The following SPTBN1 variants were observed in gnomAD, a reference collection of about 807,000 sequenced individuals.
SPTBN1 encodes the protein spectrin beta, non-erythrocytic 1.
A neutral mutation model predicts 266.4 loss-of-function variants in SPTBN1; 32 were observed. The observed-to-expected ratio is 0.12, with a 90% CI of 0.09 to 0.16. The LOEUF (loss-of-function observed/expected upper bound fraction) is 0.16, where lower values mean the gene tolerates loss of function less well. SPTBN1 is among the 10% of genes least tolerant of loss of function. SPTBN1 has a pLI of 1.00. For synonymous variants in SPTBN1, 1,336 were observed against 1,162.2 expected (o/e 1.15, Z -3.04); for missense variants, 2,296 against 3,067.1 (o/e 0.75, Z 5.94).
chr2:54,489,560 C>G (rs1455369796), intron 1 of SPTBN1, among the ~76,000 whole-genome samples: 1 of 151,994 alleles, frequency 6.6e-6, no homozygotes. Flanking sequence ...ATTAGCCAGG[C>G]GTGGTGGTGT....
At chr2:54,503,624 A>G (rs944095043) in intron 1 of SPTBN1, among the ~76,000 whole-genome samples, 1 of 152,220 alleles carries the variant, frequency 6.6e-6, no homozygotes, top group Admixed American at 6.5e-5. Flanking sequence ...CTGGTTTCAC[A>G]AACAGGCCTT....
At chr2:54,567,622 T>A (rs1451103459) in intron 2 of SPTBN1, among the ~76,000 whole-genome samples, 1 of 152,220 alleles carries the variant, frequency 6.6e-6, no homozygotes, top group Non-Finnish European at 1.5e-5. Context: ...TACATTCATG[T>A]ATTGCATTGT....
intron 1 of SPTBN1, among the ~76,000 whole-genome samples, chr2:54,470,142 A>G (rs1447996503): frequency 1.3e-5 from 2 of 152,220 alleles, no homozygotes; most frequent in Non-Finnish European, 1.5e-5. Flanking sequence ...AGTTCTAGAA[A>G]TCTTGCTTAA....
chr2:54,516,863 A>C (rs1670135005), intron 1 of SPTBN1, among the ~76,000 whole-genome samples: 1 of 152,252 alleles, frequency 6.6e-6, no homozygotes, highest in Admixed American at 6.5e-5. Context: ...TACATCAATC[A>C]GTACATGTAA....
intron 1 of SPTBN1, among the ~76,000 whole-genome samples, chr2:54,500,206 GAC>G (rs1311482020): frequency 1.3e-5 from 2 of 152,158 alleles, no homozygotes; most frequent in Non-Finnish European, 2.9e-5. Context: ...TTATGTTTGA[GAC>G]ATTTTATTGT....
chr2:54,622,208 C>A, intron 8 of SPTBN1, 92 bp from the exon 9 acceptor site: 4 of 1,359,242 alleles, frequency 2.9e-6, no homozygotes, highest in Non-Finnish European at 3.1e-6. Flanking sequence ...CAAAGCCGGT[C>A]GTTTTGTGTG....
At chr2:54,662,226 C>T in intron 32 of SPTBN1, 1 of 985,386 alleles carries the variant, frequency 1.0e-6, no homozygotes, top group Non-Finnish European at 1.2e-6. Flanking sequence ...ACTGTGATTG[C>T]TTTTGATGTG....
At chr2:54,612,584 G>T (rs1270187346) in intron 4 of SPTBN1, among the ~76,000 whole-genome samples, 10 of 152,154 alleles carry the variant, frequency 6.6e-5, no homozygotes, top group Admixed American at 5.9e-4. Flanking sequence ...CATCTCAGCG[G>T]CCCAGGGGCT....
intron 2 of SPTBN1, chr2:54,545,600 A>G (rs943422861): frequency 7.2e-5 from 11 of 152,294 alleles, no homozygotes; most frequent in African/African-American, 2.6e-4. Flanking sequence ...TTAGGTAACA[A>G]AGCTTTTTGA....
chr2:54,657,806 G>A (rs1451481335), intron 29 of SPTBN1, 44 bp from the exon 30 acceptor site: 1 of 1,612,118 alleles, frequency 6.2e-7, no homozygotes, highest in East Asian at 2.2e-5. Context: ...TGACTGCCCG[G>A]CACCTCCTGG....
chr2:54,460,738 GC>G (rs1693324863), intron 1 of SPTBN1, among the ~76,000 whole-genome samples: 1 of 152,154 alleles, frequency 6.6e-6, no homozygotes, highest in Non-Finnish European at 1.5e-5. Flanking sequence ...AGTGGCTCAC[GC>G]CTGTAATCCC....
intron 1 of SPTBN1, among the ~76,000 whole-genome samples, chr2:54,495,580 C>G (rs1007639369): frequency 8.6e-5 from 13 of 151,866 alleles, no homozygotes; most frequent in African/African-American, 3.1e-4. Context: ...GCCTTTAATC[C>G]CACCACCCAG....
chr2:54,500,740 G>A (rs2104111512), intron 1 of SPTBN1, among the ~76,000 whole-genome samples: 1 of 152,250 alleles, frequency 6.6e-6, no homozygotes, highest in Non-Finnish European at 1.5e-5. Flanking sequence ...ATTTTGCCAT[G>A]TTGCCCAAGG....
chr2:54,537,402 G>A (rs1424614662), intron 2 of SPTBN1, among the ~76,000 whole-genome samples: 2 of 152,234 alleles, frequency 1.3e-5, no homozygotes, highest in Non-Finnish European at 2.9e-5. Flanking sequence ...CGGATACTTA[G>A]AGTGGATACC....
intron 32 of SPTBN1, chr2:54,661,208 T>A (rs185167930): frequency 2.0e-6 from 2 of 985,724 alleles, no homozygotes; most frequent in East Asian, 2.3e-4. Flanking sequence ...CCAGCAGGAA[T>A]TGAAAATGTT....
rs758819812 is a variant in SPTBN1, at chr2:54,653,794, C to T, written c.5763C>T (p.Arg1921=). The T allele has an allele frequency of 5.0e-6, 8 of 1,614,080 alleles. No individual in the cohort carries two copies. The highest frequency in any genetic ancestry group is 1.7e-5 in the Admixed American group (1 of 60,002). ...GDKFRFFSMV[R]DLMLWMEDVI... ...AGTTCCGCTTCTTCAGCATGGTGCG[C>T]GACCTCATGCTCTGGATGGAGGATG... Residue 1921 remains arginine, a synonymous_variant, in exon 27 of 36, where the codon CGC becomes CGT. Coordinates refer to ENST00000356805, the MANE Select transcript of SPTBN1 (RefSeq NM_003128.3). The surrounding 1 kb of genome is among the most constrained non-coding windows in gnomAD (Gnocchi z 5.1).
chr2:54,472,006 CTG>C (rs1480859752), intron 1 of SPTBN1, among the ~76,000 whole-genome samples: 1 of 142,790 alleles, frequency 7.0e-6, no homozygotes, highest in Non-Finnish European at 1.5e-5. Flanking sequence ...TGAATAAAAA[CTG>C]GGGCCCTGAA....
chr2:54,483,930 C>T (rs1668219867), intron 1 of SPTBN1, among the ~76,000 whole-genome samples: 1 of 152,078 alleles, frequency 6.6e-6, no homozygotes, highest in Non-Finnish European at 1.5e-5. Flanking sequence ...CATGGTAGCT[C>T]ATGCCTGTAA....
Position 54,655,163 on chromosome 2 carries a change from A to G in SPTBN1, c.5916A>G (p.Glu1972=), listed in dbSNP as rs140841452. 3 of 1,614,232 alleles carry G rather than the reference A, an allele frequency of 1.9e-6. No individual in the cohort carries two copies. The highest frequency in any genetic ancestry group is 1.7e-6 in the Non-Finnish European group (2 of 1,180,038). Residue 1972 remains glutamate, a synonymous_variant, in exon 28 of 36, where the codon GAA becomes GAG. Coordinates refer to ENST00000356805, the MANE Select transcript of SPTBN1 (RefSeq NM_003128.3). ...ARNDSFTTCI[E]LGKSLLARKH... is the part of the protein sequence containing the mutation. ...ATGACAGTTTCACAACCTGCATTGA[A>G]CTTGGGAAATCCCTGTTGGCGAGAA...
Sources: gnomAD v4.1 joint callset for allele counts (sites outside exome capture counted in the v4.1 genomes callset) on GRCh38, gnomAD v4.1.1 for gene constraint, Gnocchi (gnomAD v3.1) non-coding constraint, MANE v1.5 for transcripts, NCBI Gene and HGNC (gene_info 2026-07-23, HGNC 2026-07-21) for gene names.